Variants in B3GALT1 observed in about 807,000 individuals in gnomAD.
B3GALT1 encodes the protein UDP-Gal:betaGlcNAc beta 1,3-galactosyltransferase, polypeptide 1.
B3GALT1 carries 10 observed loss-of-function variants against 23.2 expected under a neutral mutation model. The observed-to-expected ratio is 0.43, with a 90% confidence interval of 0.27 to 0.73. B3GALT1 has a LOEUF of 0.73. B3GALT1 is among the 30% of genes least tolerant of loss of function. The probability of loss-of-function intolerance (pLI) is 0.21; values close to 1 mark genes in which losing one functional copy is unlikely to be tolerated. For synonymous variants in B3GALT1, 156 were observed against 141.5 expected (o/e 1.10, Z -0.73); for missense variants, 299 against 405.4 (o/e 0.74, Z 2.25).
intron 1 of B3GALT1, among the ~76,000 whole-genome samples, chr2:167,326,892 G>A (rs911551314): frequency 2.0e-5 from 3 of 151,950 alleles, no homozygotes; most frequent in Admixed American, 1.3e-4. Flanking sequence ...GTTTCGCCAC[G>A]TTGGCCAGGC....
chr2:167,856,236 AAT>A (rs1300320043), intron 4 of B3GALT1, among the ~76,000 whole-genome samples: 1 of 152,166 alleles, frequency 6.6e-6, no homozygotes, highest in Non-Finnish European at 1.5e-5. Context: ...CATGTTCTAA[AAT>A]ATGTTTTCTA....
At chr2:167,698,806 G>T (rs1217503570) in intron 3 of B3GALT1, among the ~76,000 whole-genome samples, 1 of 152,168 alleles carries the variant, frequency 6.6e-6, no homozygotes, top group Non-Finnish European at 1.5e-5. Context: ...GCCTCTGGAG[G>T]TTTGACATTT....
chr2:167,763,247 A>G (rs1467308222), intron 3 of B3GALT1, among the ~76,000 whole-genome samples: 1 of 152,232 alleles, frequency 6.6e-6, no homozygotes, highest in Non-Finnish European at 1.5e-5. Context: ...ATTATGAAAT[A>G]AATGCTAAAA....
At chr2:167,629,124 C>T (rs528281659) in intron 2 of B3GALT1, among the ~76,000 whole-genome samples, 49 of 151,676 alleles carry the variant, frequency 3.2e-4, no homozygotes, top group Non-Finnish European at 4.4e-4. Flanking sequence ...ATTCCTTAGA[C>T]AGGCAAAATG....
At chr2:167,374,758 A>G (rs1351873017) in intron 1 of B3GALT1, among the ~76,000 whole-genome samples, 4 of 152,118 alleles carry the variant, frequency 2.6e-5, no homozygotes, top group African/African-American at 9.7e-5. Context: ...TGTTGGATGC[A>G]TAGTTTGCAA....
intron 2 of B3GALT1, among the ~76,000 whole-genome samples, chr2:167,610,130 G>A (rs1291386935): frequency 6.6e-6 from 1 of 152,102 alleles, no homozygotes; most frequent in Non-Finnish European, 1.5e-5. Context: ...TTTAGCGAAT[G>A]TTAACTCATG....
At chr2:167,433,230 A>G (rs1373152893) in intron 1 of B3GALT1, among the ~76,000 whole-genome samples, 1 of 152,164 alleles carries the variant, frequency 6.6e-6, no homozygotes, top group Non-Finnish European at 1.5e-5. Context: ...AGTAATATAC[A>G]TTTAAGTTTC....
intron 2 of B3GALT1, among the ~76,000 whole-genome samples, chr2:167,515,539 C>T (rs1236260274): frequency 3.3e-5 from 5 of 152,092 alleles, no homozygotes; most frequent in Admixed American, 1.3e-4. Flanking sequence ...AAAAGTTCCT[C>T]TGCCAACAGA....
intron 2 of B3GALT1, among the ~76,000 whole-genome samples, chr2:167,616,764 A>G (rs996334729): frequency 6.6e-6 from 1 of 152,088 alleles, no homozygotes; most frequent in Non-Finnish European, 1.5e-5. Context: ...GGTTGACAGG[A>G]ATCTTTATTT....
chr2:167,562,561 T>C (rs908566148), intron 2 of B3GALT1, among the ~76,000 whole-genome samples: 33 of 152,230 alleles, frequency 2.2e-4, no homozygotes, highest in African/African-American at 7.2e-4. Context: ...GAAAACCCCA[T>C]TGTGTCAGCC....
At chr2:167,649,316 A>G (rs572276996) in intron 3 of B3GALT1, among the ~76,000 whole-genome samples, 25 of 152,206 alleles carry the variant, frequency 1.6e-4, no homozygotes, top group African/African-American at 5.3e-4. Flanking sequence ...AAATTCATAT[A>G]ACATAAAATT....
At chr2:167,720,422 G>GT (rs904819580) in intron 3 of B3GALT1, among the ~76,000 whole-genome samples, 2 of 152,134 alleles carry the variant, frequency 1.3e-5, no homozygotes, top group Non-Finnish European at 2.9e-5. Context: ...ATTGTTCCCA[G>GT]TTTTTGTATT....
chr2:167,402,222 T>A (rs1698203331), intron 1 of B3GALT1, among the ~76,000 whole-genome samples: 1 of 152,148 alleles, frequency 6.6e-6, no homozygotes, highest in South Asian at 2.1e-4. Flanking sequence ...TGTTTGATTT[T>A]GATCTTCATG....
chr2:167,828,364 T>G (rs975224209), intron 4 of B3GALT1, among the ~76,000 whole-genome samples: 2 of 152,228 alleles, frequency 1.3e-5, no homozygotes, highest in African/African-American at 4.8e-5. Context: ...TGTGATGAAC[T>G]GCCGAATGAA....
At chr2:167,848,374 TATCAAAAAAGATA>T (rs1268894474) in intron 4 of B3GALT1, among the ~76,000 whole-genome samples, 3 of 152,084 alleles carry the variant, frequency 2.0e-5, no homozygotes, top group Non-Finnish European at 4.4e-5. Context: ...TCCAACAATA[TATCAAAAAAGATA>T]ATCCGCCATG....
chr2:167,613,588 A>G (rs1466711432), intron 2 of B3GALT1, among the ~76,000 whole-genome samples: 1 of 151,668 alleles, frequency 6.6e-6, no homozygotes, highest in Non-Finnish European at 1.5e-5. Flanking sequence ...TTTTTAAATT[A>G]ATGGATGCAT....
chr2:167,721,130 G>A (rs1687225979), intron 3 of B3GALT1, among the ~76,000 whole-genome samples: 1 of 151,850 alleles, frequency 6.6e-6, no homozygotes, highest in African/African-American at 2.4e-5. Context: ...AGAAAATGCT[G>A]TGCAGGTGTT....
At chr2:167,319,113 T>C (rs1696763581) in intron 1 of B3GALT1, among the ~76,000 whole-genome samples, 2 of 152,122 alleles carry the variant, frequency 1.3e-5, no homozygotes, top group South Asian at 4.1e-4. Context: ...TTAGGACTCT[T>C]TGTGGGGAAT....
chr2:167,868,846 C>T lies in B3GALT1; in HGVS notation c.-194C>T. The T allele has an allele frequency of 3.4e-6, 2 of 581,526 alleles. No homozygotes were observed. Among genetic ancestry groups the T allele is most frequent in the Non-Finnish European group, 5.8e-6 (2 of 342,372 alleles). The allele number at this position is 581,526 out of a possible 1,614,324, so 36.0% of individuals were successfully genotyped here. On this transcript the variant is annotated 5_prime_UTR_variant, in exon 5 of 5. Transcript: ENST00000392690. ...AAGATTTATGAGTCATGGAACCCTC[C>T]ATCAGATTTGGAAGAAAGTAGAATG...
Sources: allele counts gnomAD v4.1 joint callset (sites outside exome capture counted in the v4.1 genomes callset), GRCh38; gene constraint gnomAD v4.1.1; transcripts MANE v1.5; gene names NCBI Gene and HGNC (gene_info 2026-07-23, HGNC 2026-07-21).